Variants in ARHGAP15 observed in about 807,000 individuals in gnomAD.
The protein encoded by ARHGAP15 is Rho GTPase activating protein 15.
Under a neutral mutation model 63.7 loss-of-function variants are expected in ARHGAP15, and 51 were observed. The ratio of observed to expected loss-of-function variants is 0.80; its 90% CI spans 0.64 to 1.01. The LOEUF (loss-of-function observed/expected upper bound fraction) is 1.01. Among genes scored for constraint, ARHGAP15 ranks in the 50% least tolerant of loss-of-function variants. The probability of loss-of-function intolerance (pLI) is 0.00; values close to 1 mark genes in which losing one functional copy is unlikely to be tolerated. For missense variants in ARHGAP15, 560 were observed against 564.6 expected (o/e 0.99, Z 0.08); for synonymous variants, 191 against 193.8 (o/e 0.99, Z 0.12).
intron 3 of ARHGAP15, among the ~76,000 whole-genome samples, chr2:143,215,917 T>C (rs1324385277): frequency 1.3e-5 from 2 of 152,214 alleles, no homozygotes; most frequent in Non-Finnish European, 2.9e-5. Flanking sequence ...ATATGAAATG[T>C]TGCTATTTTA....
chr2:143,323,401 C>T (rs958290711), intron 6 of ARHGAP15, among the ~76,000 whole-genome samples: 1 of 152,080 alleles, frequency 6.6e-6, no homozygotes. Context: ...TGTGCATTGC[C>T]CAAAGATGGC....
At chr2:143,383,243 T>C (rs1574367471) in intron 6 of ARHGAP15, among the ~76,000 whole-genome samples, 1 of 152,194 alleles carries the variant, frequency 6.6e-6, no homozygotes, top group South Asian at 2.1e-4. Context: ...CAAAGTTTTC[T>C]TCTAATAACA....
chr2:143,308,838 TAAATCAGGA>T (rs1683300668), intron 6 of ARHGAP15, among the ~76,000 whole-genome samples: 1 of 142,562 alleles, frequency 7.0e-6, no homozygotes, highest in East Asian at 2.1e-4. Flanking sequence ...GAAAAGATAG[TAAATCAGGA>T]AAAAAGGGCA....
At chr2:143,673,746 GTGTGTGTGTGTGTATA>G (rs1268156342) in intron 12 of ARHGAP15, among the ~76,000 whole-genome samples, 7 of 29,678 alleles carry the variant, frequency 2.4e-4, no homozygotes, top group Non-Finnish European at 6.7e-4. Flanking sequence ...GTGTGTGTGT[GTGTGTGTGTGTGTATA>G]TATATATATA....
chr2:143,421,901 G>GA (rs1294423223), intron 6 of ARHGAP15, among the ~76,000 whole-genome samples: 5 of 151,702 alleles, frequency 3.3e-5, no homozygotes, highest in African/African-American at 1.2e-4. Flanking sequence ...AAGAGAAAGG[G>GA]GGGGAGAGAG....
intron 11 of ARHGAP15, among the ~76,000 whole-genome samples, chr2:143,612,808 T>A (rs1478573341): frequency 6.6e-6 from 1 of 152,228 alleles, no homozygotes; most frequent in East Asian, 1.9e-4. Context: ...ACAAGTTCCT[T>A]GATCTCTGGA....
At chr2:143,470,677 GTATA>G (rs1261308143) in intron 8 of ARHGAP15, among the ~76,000 whole-genome samples, 1 of 142,166 alleles carries the variant, frequency 7.0e-6, no homozygotes, top group African/African-American at 2.5e-5. Flanking sequence ...ATATGTGTGT[GTATA>G]TATATATGTA....
At chr2:143,505,833 A>C (rs569992170) in intron 9 of ARHGAP15, among the ~76,000 whole-genome samples, 2 of 152,300 alleles carry the variant, frequency 1.3e-5, no homozygotes, top group South Asian at 4.2e-4. Context: ...AGAATCCTGA[A>C]ATAGCTTTTA....
chr2:143,259,792 A>G (rs1020486142), intron 6 of ARHGAP15, among the ~76,000 whole-genome samples: 2 of 152,162 alleles, frequency 1.3e-5, no homozygotes, highest in African/African-American at 2.4e-5. Flanking sequence ...CCTGAATGTG[A>G]AAGTGTATTT....
At chr2:143,702,769 G>A (rs11688898) in intron 12 of ARHGAP15, among the ~76,000 whole-genome samples, 4 of 152,044 alleles carry the variant, frequency 2.6e-5, no homozygotes, top group East Asian at 1.9e-4. Flanking sequence ...GCCCCTCATC[G>A]CATACCCTCT....
chr2:143,629,713 T>C (rs1226771089), intron 12 of ARHGAP15, among the ~76,000 whole-genome samples: 2 of 152,194 alleles, frequency 1.3e-5, no homozygotes, highest in African/African-American at 2.4e-5. Context: ...GAAAAACTCA[T>C]TGGCATTTCT....
intron 1 of ARHGAP15, among the ~76,000 whole-genome samples, chr2:143,152,072 C>T (rs1412948931): frequency 2.6e-5 from 4 of 151,972 alleles, no homozygotes; most frequent in African/African-American, 9.7e-5. Flanking sequence ...CACACATTCT[C>T]TTCCTCAGAG....
At chr2:143,503,204 T>G (rs372188340) in intron 9 of ARHGAP15, among the ~76,000 whole-genome samples, 1 of 152,218 alleles carries the variant, frequency 6.6e-6, no homozygotes, top group Non-Finnish European at 1.5e-5. Context: ...AATAACTGTA[T>G]TAGTTTTATA....
intron 8 of ARHGAP15, among the ~76,000 whole-genome samples, chr2:143,472,465 A>G (rs1691625059): frequency 6.6e-6 from 1 of 152,182 alleles, no homozygotes; most frequent in Non-Finnish European, 1.5e-5. Flanking sequence ...GGCGATTCCT[A>G]GGGCTCTTCC....
chr2:143,593,835 A>G (rs1697410248), intron 11 of ARHGAP15, among the ~76,000 whole-genome samples: 1 of 152,246 alleles, frequency 6.6e-6, no homozygotes, highest in Non-Finnish European at 1.5e-5. Flanking sequence ...ATAAAGTAAT[A>G]GATCAACAAA....
chr2:143,388,773 T>A (rs1017432898), intron 6 of ARHGAP15, among the ~76,000 whole-genome samples: 1 of 152,162 alleles, frequency 6.6e-6, no homozygotes, highest in Non-Finnish European at 1.5e-5. Context: ...TAATTTGTAA[T>A]TTAATTGCGT....
chr2:143,170,521 C>T (rs1381040994), intron 2 of ARHGAP15, among the ~76,000 whole-genome samples: 1 of 152,114 alleles, frequency 6.6e-6, no homozygotes, highest in Non-Finnish European at 1.5e-5. Context: ...CTGGGGCACA[C>T]TCTGTGTTAC....
At chr2:143,142,341 G>C (rs567332297) in intron 1 of ARHGAP15, among the ~76,000 whole-genome samples, 1 of 152,022 alleles carries the variant, frequency 6.6e-6, no homozygotes, top group Non-Finnish European at 1.5e-5. Context: ...AGACTGACTG[G>C]AGCATTAGAT....
intron 9 of ARHGAP15, among the ~76,000 whole-genome samples, chr2:143,501,375 G>A (rs531081249): frequency 1.3e-4 from 20 of 152,144 alleles, no homozygotes; most frequent in Non-Finnish European, 2.6e-4. Flanking sequence ...TAGCATAGGA[G>A]ACCATTTGAT....
Sources: gnomAD v4.1 joint callset for allele counts (sites outside exome capture counted in the v4.1 genomes callset) on GRCh38, gnomAD v4.1.1 for gene constraint, MANE v1.5 for transcripts, NCBI Gene and HGNC (gene_info 2026-07-23, HGNC 2026-07-21) for gene names.